Variants in NHLRC3 observed in about 807,000 individuals in gnomAD.
NHLRC3 encodes the protein NHL repeat-containing protein 3.
NHLRC3 carries 23 observed loss-of-function variants against 32.0 expected under a neutral mutation model. The ratio of observed to expected loss-of-function variants is 0.72; its 90% CI spans 0.52 to 1.02. The LOEUF is 1.02. NHLRC3 is among the 50% of genes least tolerant of loss of function. The probability of loss-of-function intolerance (pLI) is 0.00; values close to 1 mark genes in which losing one functional copy is unlikely to be tolerated. For synonymous variants in NHLRC3, 159 were observed against 147.9 expected, an observed-to-expected ratio of 1.08 and a Z score of -0.55; for missense variants, 407 against 406.8, an observed-to-expected ratio of 1.00 and a Z score of -0.01.
rs374157469 is a variant in NHLRC3 at position 39,047,165 on chromosome 13, T to C, written c.791+13T>C. On this transcript the variant is annotated intron_variant, in intron 6 of 6. Transcript: ENST00000379600. ...CTTCTTCAGTCAGGTAATTGTTTCA[T>C]TTTATTGCAAAATGCTTGTTTTAGT... The C allele has an allele frequency of 2.6e-5, 38 of 1,470,076 alleles. No individual in the cohort carries two copies. In the African/African-American group the frequency reaches 4.9e-4, roughly 19 times the overall value. 91.1% of individuals were successfully genotyped at this position (1,470,076 alleles called of 1,614,324 possible).
chr13:39,045,520 A>G (rs986071514), intron 5 of NHLRC3, among the ~76,000 whole-genome samples: 1 of 152,206 alleles, frequency 6.6e-6, no homozygotes, highest in Admixed American at 6.5e-5. Context: ...AATTCATTTA[A>G]TCATCACCAC....
Position 39,039,185 on chromosome 13 carries a change from T to G in NHLRC3, c.134T>G (p.Leu45Arg), listed in dbSNP as rs115821169. The G allele has an allele frequency of 2.6e-3, 4,197 of 1,613,926 alleles. 85 individuals carry two copies. In the African/African-American group the frequency reaches 0.048, roughly 19 times the overall value. The change falls in exon 2 of 7, where the codon CTT becomes CGT. Residue 45 changes from leucine (L) to arginine (R), a missense_variant. Transcript: ENST00000379600. ...FAVSWRTEKI[L>R]YRLDVGWPKH... is the part of the protein sequence containing the mutation. ...GTTTCCTGGAGAACTGAGAAAATTC[T>G]TTACCGGCTGGATGTGGGTTGGCCT...
At position 39,047,600 on chromosome 13, in the gene NHLRC3, G is replaced by T. The variant is rs561306429; in HGVS notation, c.792-74G>T. ...CCTACTGTTGTTTGGCACAGTAGGG[G>T]ATTAAAATGTTGAAAAAAAATACCC... On this transcript the variant is annotated intron_variant, in intron 6 of 6. Coordinates refer to ENST00000379600, the MANE Select transcript of NHLRC3 (RefSeq NM_001012754.4). The T allele has an allele frequency of 9.6e-6, 12 of 1,248,484 alleles. No homozygotes were observed. The African/African-American group carries it at 1.8e-4, about 18-fold the overall frequency. The allele number at this position is 1,248,484 out of a possible 1,614,324, so 77.3% of individuals were successfully genotyped here. A position where few individuals can be genotyped will look rare whatever the true frequency, so the allele number is the denominator to read the frequency against.
Position 39,039,298 on chromosome 13 carries a change from TAGAG to T in NHLRC3, c.237+12_237+15del, listed in dbSNP as rs1566032192. 1.9e-6 allele frequency: 3 copies of T among 1,602,284 alleles called. No homozygotes were observed. Among genetic ancestry groups the T allele is most frequent in the Non-Finnish European group, 2.6e-6 (3 of 1,170,956 alleles). ...GGTTTACATAGGTCAAGTAAGTAAA[TAGAG>T]ATTTAAAAAAATTATGAACACAAAG... On this transcript the variant is annotated intron_variant, in intron 2 of 6. Transcript: ENST00000379600.
chr13:39,043,960 A>G lies in NHLRC3; in HGVS notation c.587-130A>G, dbSNP rs1432805351. ...TGGGCAAATGGGCATATAGACAGGA[A>G]AGCCGAGAAAGCATAGTCAAGTGAA... On this transcript the variant is annotated intron_variant, in intron 4 of 6. Coordinates refer to ENST00000379600, the MANE Select transcript of NHLRC3 (RefSeq NM_001012754.4). The G allele has an allele frequency of 7.1e-6, 5 of 707,082 alleles. No homozygotes were observed. In the East Asian group the frequency reaches 1.3e-4, roughly 18 times the overall value. The allele number at this position is 707,082 out of a possible 1,614,324, so 43.8% of individuals were successfully genotyped here.
intron 5 of NHLRC3, among the ~76,000 whole-genome samples, chr13:39,045,200 C>T (rs1440062955): frequency 6.6e-6 from 1 of 152,172 alleles, no homozygotes; most frequent in East Asian, 1.9e-4. Flanking sequence ...ATCTTCTGAT[C>T]TGCCATAAGA....
chr13:39,044,524 C>T (rs550424177), intron 5 of NHLRC3: 2 of 216,282 alleles, frequency 9.2e-6, no homozygotes, highest in African/African-American at 4.6e-5. Flanking sequence ...AAAAGTTGCC[C>T]TCTTACTGGG....
intron 3 of NHLRC3, 152 bp downstream of exon 3, chr13:39,039,863 G>T: frequency 1.7e-6 from 1 of 602,856 alleles, no homozygotes; most frequent in East Asian, 2.9e-5. Flanking sequence ...ACTTTATTTT[G>T]TACTTCTGTG....
At position 39,044,196 on chromosome 13, in the gene NHLRC3, T is replaced by A; in HGVS notation, c.678+15T>A. ...CAGCTGGTCGGGTACAAATACAGCG[T>A]CATTGTGTCTGGGACTTTGTGTCTG... On this transcript the variant is annotated intron_variant, in intron 5 of 6. Coordinates refer to ENST00000379600, the MANE Select transcript of NHLRC3 (RefSeq NM_001012754.4). 1 of 1,545,998 alleles carries A rather than the reference T, an allele frequency of 6.5e-7. No homozygotes were observed. The highest frequency in any genetic ancestry group is 8.9e-7 in the Non-Finnish European group (1 of 1,117,862).
chr13:39,048,826 A>G lies in NHLRC3; in HGVS notation c.*900A>G, dbSNP rs893642496. On this transcript the variant is annotated 3_prime_UTR_variant, in exon 7 of 7. Coordinates refer to ENST00000379600, the MANE Select transcript of NHLRC3 (RefSeq NM_001012754.4). Reference sequence around the variant, plus strand: ...GTTTTTACAAATAACTAAGGATTGTAGAGCTTCCTTCTCTTTTTTTTTCTT... The same window carrying G: ...GTTTTTACAAATAACTAAGGATTGTGGAGCTTCCTTCTCTTTTTTTTTCTT... 23 of 152,602 alleles carry G rather than the reference A, an allele frequency of 1.5e-4. No individual in the cohort carries two copies. The highest frequency in any genetic ancestry group is 4.6e-4 in the Admixed American group (7 of 15,272). The allele number at this position is 152,602 out of a possible 1,614,324, so 9.5% of individuals were successfully genotyped here.
chr13:39,046,267 C>T (rs550648800), intron 5 of NHLRC3, among the ~76,000 whole-genome samples: 133 of 152,154 alleles, frequency 8.7e-4, no homozygotes, highest in African/African-American at 3.1e-3. Context: ...TGCAGTGAGC[C>T]GAGACTGCGC....
At chr13:39,043,987 C>T (rs1218661486) in intron 4 of NHLRC3, 103 bp from the exon 5 acceptor site, 3 of 805,038 alleles carry the variant, frequency 3.7e-6, no homozygotes, top group Non-Finnish European at 6.4e-6. Context: ...TCAAGTGAAC[C>T]AGCGGTGTAA....
chr13:39,038,786 CA>C, intron 1 of NHLRC3, 63 bp downstream of exon 1: 1 of 1,371,950 alleles, frequency 7.3e-7, no homozygotes. Flanking sequence ...GAGGCGTCGC[CA>C]CGGTCGTGGC....
intron 5 of NHLRC3, 49 bp downstream of exon 5, chr13:39,044,230 T>TGTGGGG (rs779866655): frequency 1.4e-4 from 40 of 279,494 alleles, no homozygotes; most frequent in East Asian, 1.4e-3. Context: ...TGAATATGTT[T>TGTGGGG]GTGTGTGTGT....
intron 1 of NHLRC3, 26 bp downstream of exon 1, chr13:39,038,749 T>G: frequency 6.3e-7 from 1 of 1,582,894 alleles, no homozygotes; most frequent in Non-Finnish European, 8.7e-7. Context: ...AGGAAATGAC[T>G]GTCGGGTGTG....
chr13:39,048,268 T>C lies in NHLRC3; in HGVS notation c.*342T>C, dbSNP rs1257479720. The C allele has an allele frequency of 1.1e-5, 2 of 174,692 alleles. No individual in the cohort carries two copies. The highest frequency in any genetic ancestry group is 4.7e-5 in the African/African-American group (2 of 42,156). 10.8% of individuals were successfully genotyped at this position (174,692 alleles called of 1,614,324 possible). A position where few individuals can be genotyped will look rare whatever the true frequency, so the allele number is the denominator to read the frequency against. ...GAGCTTGCATGATAATTTATTAAAT[T>C]TCATGTGAAGAACTCCAGACCTCCA... On this transcript the variant is annotated 3_prime_UTR_variant, in exon 7 of 7. Coordinates refer to ENST00000379600, the MANE Select transcript of NHLRC3 (RefSeq NM_001012754.4).
rs1180900886 is a variant in NHLRC3, at chr13:39,048,293, A to G, written c.*367A>G. ...TTCATGTGAAGAACTCCAGACCTCC[A>G]GATTGTGCAACTAACATAAAATGAG... On this transcript the variant is annotated 3_prime_UTR_variant, in exon 7 of 7. Coordinates refer to ENST00000379600, the MANE Select transcript of NHLRC3 (RefSeq NM_001012754.4). 6.0e-6 allele frequency: 1 copy of G among 167,102 alleles called. No homozygotes were observed. Among genetic ancestry groups the G allele is most frequent in the Non-Finnish European group, 1.3e-5 (1 of 77,024 alleles). 10.4% of individuals were successfully genotyped at this position (167,102 alleles called of 1,614,324 possible).
chr13:39,047,185 TTTAG>T lies in NHLRC3; in HGVS notation c.791+39_791+42del, dbSNP rs1272320519. 1.9e-5 allele frequency: 24 copies of T among 1,266,732 alleles called. No individual in the cohort carries two copies. The African/African-American group carries it at 2.5e-4, about 13-fold the overall frequency. The allele number at this position is 1,266,732 out of a possible 1,614,324, so 78.5% of individuals were successfully genotyped here. On this transcript the variant is annotated intron_variant, in intron 6 of 6. Transcript: ENST00000379600. ...TTTCATTTTATTGCAAAATGCTTGT[TTTAG>T]TTAGTGTATGTGTCTCACTTCCTCT...
chr13:39,042,703 G>T (rs1871511609), intron 4 of NHLRC3, among the ~76,000 whole-genome samples: 2 of 152,194 alleles, frequency 1.3e-5, no homozygotes, highest in South Asian at 4.1e-4. Context: ...GTATCAGGAG[G>T]TGCAGATCTA....
Sources: allele counts gnomAD v4.1 joint callset (sites outside exome capture counted in the v4.1 genomes callset), GRCh38; gene constraint gnomAD v4.1.1; transcripts MANE v1.5; gene names NCBI Gene and HGNC (gene_info 2026-07-23, HGNC 2026-07-21).